Variants in EPHA6 observed in about 807,000 individuals in gnomAD.
EPHA6 encodes EPH receptor A6.
A neutral mutation model predicts 112.0 loss-of-function variants in EPHA6; 50 were observed. The ratio of observed to expected loss-of-function variants is 0.45; its 90% confidence interval spans 0.36 to 0.56. The LOEUF (loss-of-function observed/expected upper bound fraction) is 0.56, where lower values mean the gene tolerates loss of function less well. Ranked by LOEUF, EPHA6 falls within the 20% of genes least tolerant of loss-of-function variation. EPHA6 has a pLI of 0.00. For missense variants in EPHA6, 1,280 were observed against 1,417.4 expected, an observed-to-expected ratio of 0.90 and a Z score of 1.56; for synonymous variants, 529 against 490.7, an observed-to-expected ratio of 1.08 and a Z score of -1.03.
intron 6 of EPHA6, among the ~76,000 whole-genome samples, chr3:97,438,128 ATT>A (rs1314580314): frequency 1.3e-5 from 2 of 152,168 alleles, no homozygotes; most frequent in Non-Finnish European, 2.9e-5. Flanking sequence ...TAAACACTTA[ATT>A]TTTAGTTGAA....
At chr3:97,605,674 G>A (rs949817223) in intron 12 of EPHA6, among the ~76,000 whole-genome samples, 1 of 151,732 alleles carries the variant, frequency 6.6e-6, no homozygotes, top group East Asian at 1.9e-4. Context: ...TTTGAAGTTG[G>A]GTAATGATAT....
At chr3:97,034,994 G>A (rs2045030782) in intron 3 of EPHA6, among the ~76,000 whole-genome samples, 1 of 151,870 alleles carries the variant, frequency 6.6e-6, no homozygotes, top group Non-Finnish European at 1.5e-5. Flanking sequence ...AGAATATTCT[G>A]CCAAACTTCT....
chr3:97,566,028 A>C (rs2093261843), intron 11 of EPHA6, among the ~76,000 whole-genome samples: 1 of 151,908 alleles, frequency 6.6e-6, no homozygotes, highest in Admixed American at 6.6e-5. Flanking sequence ...CAAAAAAAAA[A>C]AAAAAAAGGA....
chr3:97,067,808 C>T (rs79525331), intron 3 of EPHA6, among the ~76,000 whole-genome samples: 1 of 151,724 alleles, frequency 6.6e-6, no homozygotes, highest in African/African-American at 2.4e-5. Context: ...TGATTACTGA[C>T]GTGTCAAGAA....
intron 2 of EPHA6, among the ~76,000 whole-genome samples, chr3:96,877,825 G>A (rs1307830444): frequency 6.6e-6 from 1 of 151,636 alleles, no homozygotes; most frequent in African/African-American, 2.4e-5. Flanking sequence ...AATTAGCAAT[G>A]TATATGCAAA....
intron 1 of EPHA6, among the ~76,000 whole-genome samples, chr3:96,824,612 C>G (rs2033521884): frequency 1.3e-5 from 2 of 151,820 alleles, no homozygotes; most frequent in African/African-American, 4.8e-5. Context: ...AGGCCACTGC[C>G]CCAACTTGTG....
intron 10 of EPHA6, among the ~76,000 whole-genome samples, chr3:97,498,563 C>T (rs1015053064): frequency 9.2e-5 from 14 of 152,034 alleles, no homozygotes; most frequent in African/African-American, 3.1e-4. Flanking sequence ...TGAATGTTGT[C>T]TTATATTTGA....
intron 3 of EPHA6, among the ~76,000 whole-genome samples, chr3:97,033,598 C>T (rs909935739): frequency 6.6e-6 from 1 of 151,914 alleles, no homozygotes; most frequent in Admixed American, 6.6e-5. Context: ...TATTAGAATG[C>T]TGAACATCCT....
Position 97,751,212 on chromosome 3 carries a change from G to A in EPHA6, c.*2511G>A, listed in dbSNP as rs77754020. On this transcript the variant is annotated 3_prime_UTR_variant, in exon 18 of 18. Coordinates refer to ENST00000389672, the MANE Select transcript of EPHA6 (RefSeq NM_001080448.3). ...TATTAAGTTATTTAAATTTCTATGG[G>A]ATGAGCATTCAGTGATTACAAGATT... is the stretch of plus-strand genomic sequence containing the variant. Among the ~76,000 whole-genome samples the A allele has an allele frequency of 0.038, 5,829 of 152,088 alleles. 202 individuals are homozygous for A. The highest frequency in any genetic ancestry group is 0.094 in the African/African-American group (3,901 of 41,508).
rs2078603746 is a variant in EPHA6 at position 97,233,822 on chromosome 3, A to G, written c.1270+7403A>G. ...TGAAACCATTTTGAATGTATGATTAATAAAATGAAGAACTAAAATTGTGGA... is the reference window on the plus strand; with the variant it reads ...TGAAACCATTTTGAATGTATGATTAGTAAAATGAAGAACTAAAATTGTGGA... On this transcript the variant is annotated intron_variant, in intron 4 of 17. Transcript: ENST00000389672. Among the ~76,000 whole-genome samples the G allele has an allele frequency of 2.0e-5, 3 of 152,194 alleles. No homozygotes were observed. In the South Asian group the frequency reaches 6.2e-4, roughly 32 times the overall value.
intron 4 of EPHA6, among the ~76,000 whole-genome samples, chr3:97,233,332 C>T (rs1383514629): frequency 1.4e-5 from 2 of 146,980 alleles, no homozygotes; most frequent in Non-Finnish European, 3.0e-5. Context: ...AAAGCAAGTA[C>T]CATAAACTTC....
At chr3:97,002,818 A>T (rs1045512387) in intron 3 of EPHA6, among the ~76,000 whole-genome samples, 9 of 152,110 alleles carry the variant, frequency 5.9e-5, no homozygotes, top group Non-Finnish European at 1.0e-4. Context: ...ATTTAAAAAG[A>T]ACAGTAAACT....
intron 10 of EPHA6, among the ~76,000 whole-genome samples, chr3:97,528,114 G>C (rs561143708): frequency 6.6e-6 from 1 of 152,188 alleles, no homozygotes; most frequent in Non-Finnish European, 1.5e-5. Context: ...CAGGATTTCT[G>C]GTGTTTTGGG....
intron 3 of EPHA6, among the ~76,000 whole-genome samples, chr3:96,989,344 A>G (rs1458030349): frequency 1.3e-5 from 2 of 152,150 alleles, no homozygotes; most frequent in African/African-American, 4.8e-5. Context: ...GGTAGTATAT[A>G]TTTTACAAAG....
intron 6 of EPHA6, among the ~76,000 whole-genome samples, chr3:97,411,636 G>C (rs1259963577): frequency 6.6e-6 from 1 of 152,016 alleles, no homozygotes; most frequent in Non-Finnish European, 1.5e-5. Flanking sequence ...TGCTATAGGG[G>C]AAAAGAAACA....
intron 2 of EPHA6, among the ~76,000 whole-genome samples, chr3:96,931,157 C>T (rs960993262): frequency 2.0e-5 from 3 of 152,086 alleles, no homozygotes; most frequent in African/African-American, 7.2e-5. Context: ...TGGTGGCCTG[C>T]CCCACCTCCC....
chr3:97,049,205 T>C (rs1417666022), intron 3 of EPHA6, among the ~76,000 whole-genome samples: 1 of 152,144 alleles, frequency 6.6e-6, no homozygotes, highest in African/African-American at 2.4e-5. Flanking sequence ...ATAAGATACA[T>C]TGGAGAAATT....
At chr3:97,129,409 G>A (rs777201238) in intron 3 of EPHA6, among the ~76,000 whole-genome samples, 1 of 152,012 alleles carries the variant, frequency 6.6e-6, no homozygotes, top group Non-Finnish European at 1.5e-5. Flanking sequence ...GGCTGAGGCA[G>A]GAGAATGGTG....
rs188092777 is a variant in EPHA6, at chr3:97,149,096, T to C, written c.1115-77168T>C. Among the ~76,000 whole-genome samples the C allele has an allele frequency of 1.9e-3, 288 of 152,264 alleles. 3 individuals are homozygous for C. Among genetic ancestry groups the C allele is most frequent in the African/African-American group, 6.3e-3 (261 of 41,580 alleles). ...AAGAAGAAGGCTTAAAGAAATGTTA[T>C]AGCTTCATGCTGTGAATTTAGAAGA... is the stretch of plus-strand genomic sequence containing the variant. On this transcript the variant is annotated intron_variant, in intron 3 of 17. Coordinates refer to ENST00000389672, the MANE Select transcript of EPHA6 (RefSeq NM_001080448.3).
Sources: gnomAD v4.1 joint callset for allele counts (sites outside exome capture counted in the v4.1 genomes callset) on GRCh38, gnomAD v4.1.1 for gene constraint, MANE v1.5 for transcripts, NCBI Gene and HGNC (gene_info 2026-07-23, HGNC 2026-07-21) for gene names.